Variants in PDE3A observed in about 807,000 individuals in gnomAD.
PDE3A encodes the protein cGMP-inhibited 3',5'-cyclic phosphodiesterase 3A.
PDE3A carries 43 observed loss-of-function variants against 98.3 expected under a neutral mutation model. The observed-to-expected ratio is 0.44, with a 90% CI of 0.34 to 0.56. The LOEUF (loss-of-function observed/expected upper bound fraction) is 0.56. PDE3A is among the 20% of genes least tolerant of loss of function. The pLI, the probability that PDE3A is intolerant of heterozygous loss-of-function variation, is 0.01. For synonymous variants in PDE3A, 663 were observed against 567.9 expected, an observed-to-expected ratio of 1.17 and a Z score of -2.38; for missense variants, 1,427 against 1,440.7, an observed-to-expected ratio of 0.99 and a Z score of 0.15.
intron 1 of PDE3A, among the ~76,000 whole-genome samples, chr12:20,397,993 C>A (rs945049814): frequency 1.3e-5 from 2 of 150,034 alleles, no homozygotes; most frequent in East Asian, 3.9e-4. Flanking sequence ...TTATTTAAAT[C>A]ATTTTAAAGA....
chr12:20,649,363 C>T (rs1944863390), intron 13 of PDE3A, among the ~76,000 whole-genome samples: 1 of 151,984 alleles, frequency 6.6e-6, no homozygotes, highest in African/African-American at 2.4e-5. Flanking sequence ...CAGAAGCAGA[C>T]ATATAGGTAT....
At chr12:20,513,576 C>T (rs1946265307) in intron 1 of PDE3A, among the ~76,000 whole-genome samples, 1 of 152,086 alleles carries the variant, frequency 6.6e-6, no homozygotes, top group Admixed American at 6.6e-5. Context: ...GTAGTTTTCC[C>T]AGTTGTATTA....
intron 1 of PDE3A, among the ~76,000 whole-genome samples, chr12:20,479,123 T>G (rs1172759043): frequency 6.6e-6 from 1 of 152,238 alleles, no homozygotes; most frequent in Non-Finnish European, 1.5e-5. Context: ...GCTGTATTTC[T>G]CAAGAATAAT....
At chr12:20,401,837 A>G (rs961240496) in intron 1 of PDE3A, among the ~76,000 whole-genome samples, 22 of 152,196 alleles carry the variant, frequency 1.4e-4, no homozygotes, top group African/African-American at 4.1e-4. Flanking sequence ...TGCGCCCCAC[A>G]TTATTTATTG....
chr12:20,529,146 A>G (rs1946578301), intron 1 of PDE3A, among the ~76,000 whole-genome samples: 1 of 152,204 alleles, frequency 6.6e-6, no homozygotes, highest in Non-Finnish European at 1.5e-5. Context: ...CAGAAGAATC[A>G]TAGGTCAATT....
intron 1 of PDE3A, among the ~76,000 whole-genome samples, chr12:20,386,049 T>TATAAATATATATA (rs1249961883): frequency 0.11 from 4,809 of 44,804 alleles, 378 homozygotes; most frequent in Non-Finnish European, 0.15. Flanking sequence ...AAAATATATA[T>TATAAATATATATA]AAATATATAT....
At chr12:20,439,537 T>TA (rs34545685) in intron 1 of PDE3A, among the ~76,000 whole-genome samples, 1 of 152,312 alleles carries the variant, frequency 6.6e-6, no homozygotes, top group East Asian at 1.9e-4. Flanking sequence ...CTATTGCACT[T>TA]AAAAATATTC....
intron 1 of PDE3A, among the ~76,000 whole-genome samples, chr12:20,381,450 T>C (rs1004295290): frequency 6.6e-6 from 1 of 151,834 alleles, no homozygotes; most frequent in Admixed American, 6.6e-5. Context: ...TATTAGTGCA[T>C]GTAAAAACTA....
chr12:20,520,645 A>G (rs1946403946), intron 1 of PDE3A, among the ~76,000 whole-genome samples: 1 of 152,200 alleles, frequency 6.6e-6, no homozygotes, highest in Admixed American at 6.5e-5. Flanking sequence ...TAGCAGGACA[A>G]CAGATCACAT....
intron 2 of PDE3A, among the ~76,000 whole-genome samples, chr12:20,605,044 G>A (rs1410805274): frequency 6.6e-6 from 1 of 152,060 alleles, no homozygotes; most frequent in Non-Finnish European, 1.5e-5. Flanking sequence ...ACATTCTTAG[G>A]CTCTCACCCT....
At position 20,586,849 on chromosome 12, in the gene PDE3A, T is replaced by G. The variant is rs562372699; in HGVS notation, c.1012-26594T>G. Among the ~76,000 whole-genome samples the G allele has an allele frequency of 3.5e-4, 54 of 152,320 alleles. 1 individual carries two copies. The highest frequency in any genetic ancestry group is 1.2e-3 in the African/African-American group (51 of 41,562). ...TACATAATATTGTTTCTCAAAAATC[T>G]TTTGCACTGATAGTGGACTAAGTAG... On this transcript the variant is annotated intron_variant, in intron 2 of 15. Transcript: ENST00000359062.
intron 1 of PDE3A, among the ~76,000 whole-genome samples, chr12:20,430,669 G>A (rs1027661166): frequency 6.6e-6 from 1 of 152,092 alleles, no homozygotes; most frequent in Admixed American, 6.5e-5. Flanking sequence ...TAGAAATTTT[G>A]CATTTTATTC....
intron 2 of PDE3A, among the ~76,000 whole-genome samples, chr12:20,587,820 A>C (rs1406428005): frequency 2.6e-5 from 4 of 152,230 alleles, no homozygotes; most frequent in African/African-American, 9.7e-5. Flanking sequence ...AGTTAGATTA[A>C]TAGTTTTCTT....
chr12:20,665,687 T>C (rs964180217), intron 15 of PDE3A, among the ~76,000 whole-genome samples: 1 of 152,288 alleles, frequency 6.6e-6, no homozygotes. Context: ...CTATAAGCAA[T>C]ATATTAGTTC....
intron 1 of PDE3A, among the ~76,000 whole-genome samples, chr12:20,494,420 T>A (rs1945881123): frequency 6.6e-6 from 1 of 152,196 alleles, no homozygotes; most frequent in Non-Finnish European, 1.5e-5. Flanking sequence ...AGTGTTTGAT[T>A]TTATTGTAAT....
At chr12:20,673,577 A>G (rs190823599) in intron 15 of PDE3A, among the ~76,000 whole-genome samples, 3,258 of 150,512 alleles carry the variant, frequency 0.022, 107 homozygotes, top group African/African-American at 0.074. Context: ...GGAAAACATC[A>G]TTCTCAGTAA....
chr12:20,452,673 A>G (rs1945086742), intron 1 of PDE3A, among the ~76,000 whole-genome samples: 1 of 152,212 alleles, frequency 6.6e-6, no homozygotes, highest in Non-Finnish European at 1.5e-5. Flanking sequence ...TATGTGGTTA[A>G]TGATCTGCAA....
At chr12:20,635,374 G>T (rs755055806) in intron 8 of PDE3A, among the ~76,000 whole-genome samples, 2 of 152,120 alleles carry the variant, frequency 1.3e-5, no homozygotes, top group African/African-American at 2.4e-5. Context: ...TTCAAGACCA[G>T]CCTGACCAAC....
intron 1 of PDE3A, among the ~76,000 whole-genome samples, chr12:20,413,059 C>G (rs978645631): frequency 1.3e-5 from 2 of 152,174 alleles, no homozygotes; most frequent in Non-Finnish European, 2.9e-5. Context: ...CAGAGTAACA[C>G]TATTCTGTCC....
Sources: allele counts gnomAD v4.1 joint callset (sites outside exome capture counted in the v4.1 genomes callset), GRCh38; gene constraint gnomAD v4.1.1; transcripts MANE v1.5; gene names NCBI Gene and HGNC (gene_info 2026-07-23, HGNC 2026-07-21).